The following CASK variants were observed in gnomAD, a reference collection of about 807,000 sequenced individuals.
The protein encoded by CASK is peripheral plasma membrane protein CASK.
A neutral mutation model predicts 82.9 loss-of-function variants in CASK; 4 were observed. That is an observed-to-expected ratio of 0.05 (90% confidence interval 0.02 to 0.11). The LOEUF is 0.11. CASK is among the 10% of genes least tolerant of loss of function. The pLI, the probability that CASK is intolerant of heterozygous loss-of-function variation, is 1.00. For missense variants in CASK, 358 were observed against 720.9 expected (o/e 0.50, Z 5.76); for synonymous variants, 259 against 253.5 (o/e 1.02, Z -0.20).
chrX:41,612,636 C>T (rs1235832652), intron 11 of CASK, among the ~76,000 whole-genome samples: 2 of 96,297 alleles, frequency 2.1e-5, no homozygotes, highest in African/African-American at 3.8e-5. Flanking sequence ...GGCCAGCCGC[C>T]CCGTCCGGGA....
At chrX:41,676,487 T>C in intron 5 of CASK, 3 of 1,195,228 alleles carry the variant, frequency 2.5e-6, no homozygotes, top group Non-Finnish European at 3.4e-6. Context: ...CAGCTCATTT[T>C]TATCCATGAC....
intron 5 of CASK, among the ~76,000 whole-genome samples, chrX:41,702,032 ATATG>A (rs1387956673): frequency 9.8e-5 from 11 of 112,391 alleles, no homozygotes; most frequent in African/African-American, 3.2e-4. Context: ...ATTGCCATTA[ATATG>A]TATTGGGGGT....
intron 3 of CASK, 66 bp from the exon 4 acceptor site, chrX:41,745,667 A>G (rs1048134082): frequency 4.2e-6 from 3 of 716,582 alleles, no homozygotes; most frequent in African/African-American, 4.2e-5. Context: ...ACTGAAAGTG[A>G]ATACATTGTA....
At chrX:41,592,140 C>A (rs1473738419) in intron 12 of CASK, among the ~76,000 whole-genome samples, 3 of 105,808 alleles carry the variant, frequency 2.8e-5, no homozygotes, top group Non-Finnish European at 3.9e-5. Flanking sequence ...GTATTCCCAG[C>A]TACTCAGAAG....
chrX:41,731,028 G>A (rs1237571313), intron 5 of CASK, among the ~76,000 whole-genome samples: 1 of 112,238 alleles, frequency 8.9e-6, no homozygotes, highest in Non-Finnish European at 1.9e-5. Context: ...TCTTACATGA[G>A]TTTTGAGACC....
Position 41,542,852 on chromosome X carries a change from C to G in CASK, c.2040-46G>C, listed in dbSNP as rs772030601. The G allele has an allele frequency of 3.6e-4, 293 of 808,814 alleles. No individual in the cohort carries two copies. In the South Asian group the frequency reaches 6.3e-3, roughly 17 times the overall value. 66.7% of individuals were successfully genotyped at this position (808,814 alleles called of 1,213,427 possible). A position where few individuals can be genotyped will look rare whatever the true frequency, so the allele number is the denominator to read the frequency against. ...AATAAAATAAAATGAATTTATAATT[C>G]TGGTTGATAAAATAGAAGAGTCATC... On this transcript the variant is annotated intron_variant, in intron 21 of 26. Transcript: ENST00000378163.
At chrX:41,767,464 T>C (rs1323119606) in intron 3 of CASK, among the ~76,000 whole-genome samples, 1 of 111,868 alleles carries the variant, frequency 8.9e-6, no homozygotes, top group Non-Finnish European at 1.9e-5. Context: ...TATAGTACAC[T>C]TGTAAAAGCT....
chrX:41,854,212 G>A (rs182855557), intron 1 of CASK, among the ~76,000 whole-genome samples: 75 of 88,802 alleles, frequency 8.4e-4, no homozygotes, highest in Middle Eastern at 5.8e-3. Flanking sequence ...ATGCGCGCGC[G>A]CGCGGGCGCG....
intron 5 of CASK, among the ~76,000 whole-genome samples, chrX:41,737,923 G>C (rs950286586): frequency 2.7e-5 from 3 of 112,780 alleles, no homozygotes; most frequent in Non-Finnish European, 5.6e-5. Flanking sequence ...AACTACTACA[G>C]TTGACAATTT....
At chrX:41,642,080 C>G (rs1404759641) in intron 8 of CASK, among the ~76,000 whole-genome samples, 1 of 110,664 alleles carries the variant, frequency 9.0e-6, no homozygotes, top group African/African-American at 3.3e-5. Flanking sequence ...TGAACTCACC[C>G]TTTTTTAAGG....
At chrX:41,664,132 T>G (rs2067078329) in intron 7 of CASK, among the ~76,000 whole-genome samples, 1 of 111,878 alleles carries the variant, frequency 8.9e-6, no homozygotes, top group Non-Finnish European at 1.9e-5. Context: ...GTATATATCT[T>G]AAACTAACTA....
rs1156581512 is a variant in CASK, at chrX:41,620,503, CTCAA to C, written c.1033+2110_1033+2113del. Among the ~76,000 whole-genome samples the C allele has an allele frequency of 1.5e-4, 17 of 111,824 alleles. No homozygotes were observed. In the Admixed American group the frequency reaches 1.6e-3, roughly 11 times the overall value. On this transcript the variant is annotated intron_variant, in intron 11 of 26. Transcript: ENST00000378163. ...TACTACACACACACATTATCACCTA[CTCAA>C]TCAAAGCCCCTCCTTGCAAGCACAA...
At chrX:41,753,689 C>T (rs1036003231) in intron 3 of CASK, among the ~76,000 whole-genome samples, 2 of 111,774 alleles carry the variant, frequency 1.8e-5, no homozygotes, top group Non-Finnish European at 3.8e-5. Flanking sequence ...AGTTCGATAT[C>T]AGCCTGGGCA....
At chrX:41,520,658 G>C (rs747068780) in intron 26 of CASK, 62 bp from the exon 27 acceptor site, 65 of 954,409 alleles carry the variant, frequency 6.8e-5, no homozygotes, top group Non-Finnish European at 8.8e-5. Flanking sequence ...AAACAGAAGA[G>C]AGAAATCAGT....
At chrX:41,545,686 A>C (rs1191955548) in intron 21 of CASK, among the ~76,000 whole-genome samples, 1 of 111,820 alleles carries the variant, frequency 8.9e-6, no homozygotes, top group Non-Finnish European at 1.9e-5. Flanking sequence ...TCAATTTCAA[A>C]ACTGTTGGGA....
chrX:41,750,482 TC>T, intron 3 of CASK, among the ~76,000 whole-genome samples: 1 of 111,637 alleles, frequency 9.0e-6, no homozygotes, highest in East Asian at 2.8e-4. Context: ...CCTAGTTGGC[TC>T]CATTCTGAGG....
At chrX:41,818,145 C>CTGTGTGTGTGTGTGTGTGTG (rs59931187) in intron 2 of CASK, among the ~76,000 whole-genome samples, 2 of 85,422 alleles carry the variant, frequency 2.3e-5, no homozygotes, top group African/African-American at 9.0e-5. Context: ...AGGAGGCCTT[C>CTGTGTGTGTGTGTGTGTGTG]TGTGTGTGTG....
At chrX:41,556,949 T>G in intron 19 of CASK, 83 bp downstream of exon 19, 1 of 728,920 alleles carries the variant, frequency 1.4e-6, no homozygotes, top group Non-Finnish European at 2.2e-6. Flanking sequence ...CTATTTCCAC[T>G]GAACACATGT....
At chrX:41,588,104 G>A (rs1465144292) in intron 13 of CASK, 1 of 112,088 alleles carries the variant, frequency 8.9e-6, no homozygotes, top group Non-Finnish European at 1.9e-5. Context: ...CCTCAGGGAA[G>A]AACAAACAAA....
Sources: allele counts gnomAD v4.1 joint callset (sites outside exome capture counted in the v4.1 genomes callset), GRCh38; gene constraint gnomAD v4.1.1; transcripts MANE v1.5; gene names NCBI Gene and HGNC (gene_info 2026-07-23, HGNC 2026-07-21).